Variants in INTS9 observed in about 807,000 individuals in gnomAD.
INTS9 encodes the protein protein related to CPSF subunits of 74 kDa.
INTS9 carries 55 observed loss-of-function variants against 79.7 expected under a neutral mutation model. The observed-to-expected ratio is 0.69, with a 90% CI of 0.56 to 0.86. The LOEUF (loss-of-function observed/expected upper bound fraction) is 0.86, where lower values mean the gene tolerates loss of function less well. Among genes scored for constraint, INTS9 ranks in the 40% least tolerant of loss-of-function variants. INTS9 has a pLI of 0.00. For synonymous variants in INTS9, 319 were observed against 325.2 expected, an observed-to-expected ratio of 0.98 and a Z score of 0.20; for missense variants, 721 against 831.5, an observed-to-expected ratio of 0.87 and a Z score of 1.64.
intron 1 of INTS9, among the ~76,000 whole-genome samples, chr8:28,865,428 T>C (rs532622210): frequency 6.7e-5 from 10 of 149,762 alleles, no homozygotes; most frequent in South Asian, 2.1e-4. Context: ...GCTGTGATCA[T>C]GCCACTGCAC....
At chr8:28,871,554 G>A (rs1296215576) in intron 1 of INTS9, among the ~76,000 whole-genome samples, 1 of 151,884 alleles carries the variant, frequency 6.6e-6, no homozygotes, top group Non-Finnish European at 1.5e-5. Flanking sequence ...ACAGATGCAA[G>A]CCATTATACC....
intron 4 of INTS9, among the ~76,000 whole-genome samples, chr8:28,841,501 T>A (rs751883413): frequency 2.0e-5 from 3 of 152,120 alleles, no homozygotes; most frequent in Non-Finnish European, 4.4e-5. Context: ...AAATAAAAAA[T>A]TATTCTGTTG....
At chr8:28,803,626 A>G (rs976233394) in intron 8 of INTS9, among the ~76,000 whole-genome samples, 1 of 152,236 alleles carries the variant, frequency 6.6e-6, no homozygotes, top group Admixed American at 6.5e-5. Flanking sequence ...ACCACCAAAC[A>G]GATATCATAT....
intron 9 of INTS9, among the ~76,000 whole-genome samples, chr8:28,794,718 A>G (rs1422311021): frequency 6.6e-6 from 1 of 152,212 alleles, no homozygotes; most frequent in Non-Finnish European, 1.5e-5. Context: ...TTGCGTGGAA[A>G]ATGCCAGAGA....
At chr8:28,802,780 C>G (rs1327568091) in intron 8 of INTS9, among the ~76,000 whole-genome samples, 1 of 152,022 alleles carries the variant, frequency 6.6e-6, no homozygotes, top group African/African-American at 2.4e-5. Context: ...CAAATCTTAG[C>G]CTGGTAAGGA....
chr8:28,868,406 C>A (rs181437063), intron 1 of INTS9, among the ~76,000 whole-genome samples: 1 of 152,262 alleles, frequency 6.6e-6, no homozygotes, highest in East Asian at 1.9e-4. Flanking sequence ...ATGCCAATAG[C>A]TCTTTACTCT....
At chr8:28,832,576 G>C (rs1259334150) in intron 6 of INTS9, among the ~76,000 whole-genome samples, 1 of 152,228 alleles carries the variant, frequency 6.6e-6, no homozygotes, top group African/African-American at 2.4e-5. Flanking sequence ...CTAGCTGGCT[G>C]TCTGGGTTTG....
intron 6 of INTS9, among the ~76,000 whole-genome samples, chr8:28,827,047 T>C (rs768678045): frequency 2.0e-5 from 3 of 152,238 alleles, no homozygotes; most frequent in Non-Finnish European, 4.4e-5. Flanking sequence ...TTATGCTTAC[T>C]TGAGGTCCTA....
Position 28,780,825 on chromosome 8 carries a change from G to C in INTS9, c.1268C>G (p.Thr423Arg), listed in dbSNP as rs746547645. 1 of 1,613,362 alleles carries C rather than the reference G, an allele frequency of 6.2e-7. No homozygotes were observed. Among genetic ancestry groups the C allele is most frequent in the South Asian group, 1.1e-5 (1 of 91,070 alleles). The change falls in exon 12 of 17, where the codon ACG becomes AGG. Residue 423 changes from threonine (T) to arginine (R), a missense_variant and splice_region_variant. Thr to Arg is a moderately conservative substitution (Grantham distance 71). Transcript: ENST00000521022. ...GTTTCTTTATTTTTTTCACTTACCC[G>C]TGAATATGACGGTATTGAGACTAGA... ...GKSSLNTVIF[T>R]EPDFSYLEAL...
intron 13 of INTS9, 89 bp downstream of exon 13, chr8:28,777,740 G>C: frequency 7.0e-7 from 1 of 1,420,856 alleles, no homozygotes; most frequent in Non-Finnish European, 9.4e-7. Context: ...ATCAAACACA[G>C]CTAGATCTCT....
At chr8:28,846,613 C>T (rs1421474475) in intron 4 of INTS9, 134 bp downstream of exon 4, 1 of 674,688 alleles carries the variant, frequency 1.5e-6, no homozygotes, top group Non-Finnish European at 2.6e-6. Flanking sequence ...GGCTGTGTAA[C>T]AATGTGCCTG....
At chr8:28,861,065 T>C (rs576620920) in intron 1 of INTS9, among the ~76,000 whole-genome samples, 6 of 152,354 alleles carry the variant, frequency 3.9e-5, no homozygotes, top group African/African-American at 9.6e-5. Context: ...GATTATATTT[T>C]ACCAAACCAA....
chr8:28,789,047 A>G (rs565129223), intron 10 of INTS9, among the ~76,000 whole-genome samples: 1 of 152,156 alleles, frequency 6.6e-6, no homozygotes, highest in Admixed American at 6.5e-5. Flanking sequence ...AGTTTGGTTT[A>G]AAAAAACATC....
intron 1 of INTS9, among the ~76,000 whole-genome samples, chr8:28,873,057 G>C (rs1316789929): frequency 2.6e-5 from 4 of 151,422 alleles, no homozygotes; most frequent in African/African-American, 4.9e-5. Context: ...TATTGATTCT[G>C]TAACAGTTAT....
At chr8:28,783,102 G>A (rs55897261) in intron 11 of INTS9, among the ~76,000 whole-genome samples, 4,094 of 142,200 alleles carry the variant, frequency 0.029, 173 homozygotes, top group African/African-American at 0.1. Context: ...CCGAGATGGC[G>A]CCACTGCACT....
intron 12 of INTS9, chr8:28,780,210 AATG>A (rs1803168274): frequency 4.2e-6 from 1 of 235,368 alleles, no homozygotes; most frequent in South Asian, 1.8e-4. Context: ...CACTAACACT[AATG>A]ATGACTGATG....
At chr8:28,866,783 C>T (rs562851217) in intron 1 of INTS9, among the ~76,000 whole-genome samples, 29 of 150,054 alleles carry the variant, frequency 1.9e-4, no homozygotes, top group African/African-American at 2.7e-4. Context: ...GAGACCATCC[C>T]GGCAAACACG....
At chr8:28,856,996 T>A (rs902734754) in intron 2 of INTS9, among the ~76,000 whole-genome samples, 7 of 152,228 alleles carry the variant, frequency 4.6e-5, no homozygotes, top group African/African-American at 1.7e-4. Context: ...CTTGTGTTAA[T>A]TCACCAAGAA....
At chr8:28,857,168 T>C (rs1428275166) in intron 2 of INTS9, among the ~76,000 whole-genome samples, 1 of 152,178 alleles carries the variant, frequency 6.6e-6, no homozygotes, top group Non-Finnish European at 1.5e-5. Flanking sequence ...TTATGAATAG[T>C]GCTGAGCATT....
Sources: gnomAD v4.1 joint callset for allele counts (sites outside exome capture counted in the v4.1 genomes callset) on GRCh38, gnomAD v4.1.1 for gene constraint, MANE v1.5 for transcripts, NCBI Gene and HGNC (gene_info 2026-07-23, HGNC 2026-07-21) for gene names.